NCALD: variants seen among roughly 807,000 people sequenced by gnomAD.
The protein encoded by NCALD is neurocalcin delta, also known as neurocalcin-delta.
In NCALD, 10 loss-of-function variants were observed where a neutral mutation model predicts 18.6. The ratio of observed to expected loss-of-function variants is 0.54; its 90% CI spans 0.33 to 0.91. NCALD has a LOEUF of 0.91. NCALD is among the 40% of genes least tolerant of loss of function. The pLI, the probability that NCALD is intolerant of heterozygous loss-of-function variation, is 0.03. For synonymous variants in NCALD, 88 were observed against 87.4 expected (o/e 1.01, Z -0.04); for missense variants, 184 against 247.6 (o/e 0.74, Z 1.72).
chr8:101,805,854 C>G (rs768471620), intron 4 of NCALD, among the ~76,000 whole-genome samples: 7 of 152,152 alleles, frequency 4.6e-5, no homozygotes, highest in Non-Finnish European at 8.8e-5. Flanking sequence ...GGGATGAGAA[C>G]AAGCCTCAAA....
intron 3 of NCALD, among the ~76,000 whole-genome samples, chr8:101,910,652 A>C (rs56148596): frequency 0.098 from 14,858 of 152,244 alleles, 771 homozygotes; most frequent in East Asian, 0.18. Context: ...CTTCAAAATA[A>C]ACCCAGCTCT....
At chr8:102,104,032 TACAA>T (rs1286248770) in intron 1 of NCALD, among the ~76,000 whole-genome samples, 2 of 152,174 alleles carry the variant, frequency 1.3e-5, no homozygotes, top group Admixed American at 6.5e-5. Flanking sequence ...CGCATACGCA[TACAA>T]ACACATACAC....
intron 2 of NCALD, among the ~76,000 whole-genome samples, chr8:101,999,055 C>T (rs1455439206): frequency 7.2e-6 from 1 of 138,048 alleles, no homozygotes; most frequent in Non-Finnish European, 1.5e-5. Context: ...AAAAATCATA[C>T]CCACTCACAC....
intron 3 of NCALD, among the ~76,000 whole-genome samples, chr8:101,893,339 G>A (rs1214251943): frequency 1.3e-5 from 2 of 150,760 alleles, no homozygotes; most frequent in East Asian, 1.9e-4. Context: ...CACCAGGCCT[G>A]ACCTAAAAGA....
At chr8:102,083,281 A>C (rs987120261) in intron 1 of NCALD, among the ~76,000 whole-genome samples, 1 of 152,262 alleles carries the variant, frequency 6.6e-6, no homozygotes, top group African/African-American at 2.4e-5. Context: ...TATAAATAGC[A>C]GACCAGTATT....
intron 1 of NCALD, among the ~76,000 whole-genome samples, chr8:102,085,752 TA>T (rs35138208): frequency 0.12 from 17,325 of 140,356 alleles, 1,561 homozygotes; most frequent in African/African-American, 0.26. Context: ...ACTCTGTCTT[TA>T]AAAAAAAAAA....
chr8:101,963,734 G>A (rs1819919807), intron 2 of NCALD, among the ~76,000 whole-genome samples: 2 of 151,992 alleles, frequency 1.3e-5, no homozygotes, highest in Admixed American at 1.3e-4. Context: ...TTCCTTATTG[G>A]CACAACAAGC....
At chr8:101,770,626 C>G (rs933726391) in intron 1 of NCALD, among the ~76,000 whole-genome samples, 8 of 152,162 alleles carry the variant, frequency 5.3e-5, no homozygotes, top group African/African-American at 1.9e-4. Flanking sequence ...TGTGTGCCAG[C>G]TGTCATCTGG....
intron 2 of NCALD, among the ~76,000 whole-genome samples, chr8:101,960,059 A>G (rs1282289931): frequency 6.6e-6 from 1 of 152,190 alleles, no homozygotes; most frequent in African/African-American, 2.4e-5. Flanking sequence ...AACATGGTCC[A>G]GAAGGATAGA....
At chr8:101,946,304 T>G (rs558474434) in intron 2 of NCALD, among the ~76,000 whole-genome samples, 1 of 152,290 alleles carries the variant, frequency 6.6e-6, no homozygotes, top group East Asian at 1.9e-4. Context: ...GGGGATACAG[T>G]GATGAGCTAG....
intron 4 of NCALD, among the ~76,000 whole-genome samples, chr8:101,885,563 A>C (rs1816646344): frequency 6.6e-6 from 1 of 152,190 alleles, no homozygotes; most frequent in Non-Finnish European, 1.5e-5. Context: ...TTTCTCATCC[A>C]AATCATCCTC....
intron 1 of NCALD, among the ~76,000 whole-genome samples, chr8:101,743,693 C>A (rs1313787089): frequency 6.6e-6 from 1 of 152,092 alleles, no homozygotes; most frequent in Non-Finnish European, 1.5e-5. Context: ...TTCACAGATG[C>A]CAGAAGAAAT....
rs113865763 is a variant in NCALD, at chr8:102,024,115, C to T, written c.-209-3826G>A. On this transcript the variant is annotated intron_variant, in intron 1 of 6. Coordinates refer to the NCALD transcript ENST00000311028. Reference sequence around the variant, plus strand: ...AGATGTTGTACTTGTATATTTCATGCGTAACTGAATGGGAAAAAAACAGAA... The same window carrying T: ...AGATGTTGTACTTGTATATTTCATGTGTAACTGAATGGGAAAAAAACAGAA... 3.9e-5 allele frequency among the ~76,000 whole-genome samples: 6 copies of T among 152,062 alleles called. No homozygotes were observed. In the South Asian group the frequency reaches 6.2e-4, roughly 16 times the overall value.
At chr8:102,121,599 CA>C in intron 1 of NCALD, among the ~76,000 whole-genome samples, 1 of 152,294 alleles carries the variant, frequency 6.6e-6, no homozygotes, top group Non-Finnish European at 1.5e-5. Flanking sequence ...CCTCCAGAAC[CA>C]AATTCACTGC....
chr8:101,864,593 C>CTTT lies in NCALD; in HGVS notation c.-20+22545_-20+22547dup, dbSNP rs34516996. Among the ~76,000 whole-genome samples, 233 of 136,868 alleles carry CTTT rather than the reference C, an allele frequency of 1.7e-3. 3 individuals carry two copies. The highest frequency in any genetic ancestry group is 9.1e-3 in the Admixed American group (123 of 13,444). 89.8% of individuals were successfully genotyped at this position (136,868 alleles called of 152,430 possible). A position where few individuals can be genotyped will look rare whatever the true frequency, so the allele number is the denominator to read the frequency against. On this transcript the variant is annotated intron_variant, in intron 4 of 6. Coordinates refer to the NCALD transcript ENST00000311028. ...GGATTGTTCCAATTTTCTTTCCTTT[C>CTTT]TTTTTTTTTTTTTTTTCTGAGACGG...
chr8:101,911,521 C>T (rs537663462), intron 3 of NCALD, among the ~76,000 whole-genome samples: 5 of 151,732 alleles, frequency 3.3e-5, no homozygotes, highest in South Asian at 2.1e-4. Flanking sequence ...CCATGCCCGG[C>T]GAATTTTTGT....
chr8:101,757,156 C>A (rs10955275), intron 1 of NCALD, among the ~76,000 whole-genome samples: 3 of 152,068 alleles, frequency 2.0e-5, no homozygotes, highest in African/African-American at 4.8e-5. Context: ...GTTTACCCAC[C>A]ATGGCCTTCA....
At chr8:101,947,660 CAA>C (rs1819228105) in intron 2 of NCALD, among the ~76,000 whole-genome samples, 1 of 152,186 alleles carries the variant, frequency 6.6e-6, no homozygotes, top group Admixed American at 6.5e-5. Flanking sequence ...GCTGAGAAAT[CAA>C]GTTTATATTT....
chr8:101,842,354 CAAG>C (rs1814680266), intron 4 of NCALD, among the ~76,000 whole-genome samples: 1 of 150,612 alleles, frequency 6.6e-6, no homozygotes, highest in African/African-American at 2.5e-5. Context: ...GAAAAAAAAA[CAAG>C]AAGAGGAAGA....
Sources: gnomAD v4.1 joint callset for allele counts (sites outside exome capture counted in the v4.1 genomes callset) on GRCh38, gnomAD v4.1.1 for gene constraint, MANE v1.5 for transcripts, NCBI Gene and HGNC (gene_info 2026-07-23, HGNC 2026-07-21) for gene names.